The following ATG14 variants were observed in gnomAD, a reference collection of about 807,000 sequenced individuals.
ATG14 encodes autophagy related 14.
Under a neutral mutation model 60.4 loss-of-function variants are expected in ATG14, and 35 were observed. That is an observed-to-expected ratio of 0.58 (90% CI 0.44 to 0.77). The LOEUF (loss-of-function observed/expected upper bound fraction) is 0.77, where lower values mean the gene tolerates loss of function less well. Ranked by LOEUF, ATG14 falls within the 30% of genes least tolerant of loss-of-function variation. ATG14 has a pLI of 0.00. For missense variants in ATG14, 647 were observed against 626.3 expected, an observed-to-expected ratio of 1.03 and a Z score of -0.35; for synonymous variants, 234 against 228.8, an observed-to-expected ratio of 1.02 and a Z score of -0.21.
In ATG14 at chr14:55,368,226, CT is replaced by C. The variant is rs552931513; in HGVS notation, c.*1392del. The C allele has an allele frequency of 2.6e-4, 38 of 147,256 alleles. No homozygotes were observed. Among genetic ancestry groups the C allele is most frequent in the Non-Finnish European group, 2.7e-4 (18 of 66,172 alleles). The allele number at this position is 147,256 out of a possible 1,614,324, so 9.1% of individuals were successfully genotyped here. On this transcript the variant is annotated 3_prime_UTR_variant, in exon 10 of 10. Coordinates refer to ENST00000247178, the MANE Select transcript of ATG14 (RefSeq NM_014924.5). Reference sequence around the variant, plus strand: ...AAATGATCTCCTGCTGAGGGAAATTCTTTTTTTTTTTGAGACGGAGTTTCGC... The same window carrying C: ...AAATGATCTCCTGCTGAGGGAAATTCTTTTTTTTTTGAGACGGAGTTTCGC...
In ATG14 at chr14:55,376,244, GTGGT is replaced by G. The variant is rs1321378323; in HGVS notation, c.1172+1571_1172+1574del. On this transcript the variant is annotated intron_variant, in intron 9 of 9. Transcript: ENST00000247178. Reference sequence around the variant, plus strand: ...AGGAATAATATCCAAGGCAAGTAAAGTGGTTGGCCTTGTGTCAATAAATAGTGGC... The same window carrying G: ...AGGAATAATATCCAAGGCAAGTAAAGTGGCCTTGTGTCAATAAATAGTGGC... Among the ~76,000 whole-genome samples the G allele has an allele frequency of 2.0e-5, 3 of 152,326 alleles. No homozygotes were observed. In the East Asian group the frequency reaches 5.8e-4, roughly 29 times the overall value.
chr14:55,385,512 C>G (rs1205016868), intron 5 of ATG14, among the ~76,000 whole-genome samples: 4 of 152,224 alleles, frequency 2.6e-5, no homozygotes, highest in Non-Finnish European at 4.4e-5. Flanking sequence ...AGGTTGGTCT[C>G]AAACTCCTGA....
rs151094115 is a variant in ATG14, at chr14:55,369,816, C to G, written c.1282G>C (p.Glu428Gln). The stretch of plus-strand genomic sequence containing the variant: ...TCCCAGTCTGTGCCCAGGTCGGTTT[C>G]TTCATCGCTGACGCGCTCATCTCCG... ...ESGDERVSDEETDLGTDWENL... is the reference protein window; with the variant it reads ...ESGDERVSDEQTDLGTDWENL... The change falls in exon 10 of 10, where the codon GAA (glutamate) becomes CAA (glutamine). Residue 428 changes from glutamate to glutamine, a missense_variant. By Grantham distance (29) the Glu-to-Gln change is conservative (BLOSUM62 2). Coordinates refer to ENST00000247178, the MANE Select transcript of ATG14 (RefSeq NM_014924.5). 6.2e-7 allele frequency: 1 copy of G among 1,614,212 alleles called. No individual in the cohort carries two copies. The highest frequency in any genetic ancestry group is 1.7e-5 in the Admixed American group (1 of 60,026).
chr14:55,369,625 G>A lies in ATG14; in HGVS notation c.1473C>T (p.His491=). ...VTSWFKAYTG[H]R The stretch of plus-strand genomic sequence containing the variant: ...ATGTTTTGGTCCATGCTCGTTAACG[G>A]TGTCCAGTGTAAGCTTTAAACCAGG... The change falls in exon 10 of 10, where the codon CAC becomes CAT. Residue 491 remains histidine, a synonymous_variant. Coordinates refer to ENST00000247178, the MANE Select transcript of ATG14 (RefSeq NM_014924.5). 1 of 1,515,744 alleles carries A rather than the reference G, an allele frequency of 6.6e-7. No homozygotes were observed. Among genetic ancestry groups the A allele is most frequent in the Non-Finnish European group, 8.8e-7 (1 of 1,130,318 alleles). The allele number at this position is 1,515,744 out of a possible 1,614,324, so 93.9% of individuals were successfully genotyped here. A position where few individuals can be genotyped will look rare whatever the true frequency, so the allele number is the denominator to read the frequency against.
rs1018365393 is a variant in ATG14, at chr14:55,367,422, T to TA, written c.*2196dup. ...GCAATCAATCATGAAGCTGAGCACT[T>TA]AAAACAGAGATCCCAGCAGTGTAGA... On this transcript the variant is annotated 3_prime_UTR_variant, in exon 10 of 10. Coordinates refer to ENST00000247178, the MANE Select transcript of ATG14 (RefSeq NM_014924.5). 2 of 152,146 alleles carry TA rather than the reference T, an allele frequency of 1.3e-5. No individual in the cohort carries two copies. Among genetic ancestry groups the TA allele is most frequent in the Non-Finnish European group, 2.9e-5 (2 of 68,068 alleles). 9.4% of individuals were successfully genotyped at this position (152,146 alleles called of 1,614,324 possible).
chr14:55,405,122 G>C (rs1033472907), intron 1 of ATG14, among the ~76,000 whole-genome samples: 1 of 152,196 alleles, frequency 6.6e-6, no homozygotes, highest in African/African-American at 2.4e-5. Flanking sequence ...TGAAACAGTC[G>C]TAAGGCTGAT....
chr14:55,386,253 T>C (rs1885124726), intron 4 of ATG14, among the ~76,000 whole-genome samples, 157 bp from the exon 5 acceptor site: 1 of 152,196 alleles, frequency 6.6e-6, no homozygotes, highest in African/African-American at 2.4e-5. Flanking sequence ...TTTGAGAGTT[T>C]AGTTCAAGTA....
At chr14:55,384,419 A>G (rs1885088758) in intron 5 of ATG14, among the ~76,000 whole-genome samples, 1 of 152,320 alleles carries the variant, frequency 6.6e-6, no homozygotes, top group Non-Finnish European at 1.5e-5. Flanking sequence ...CTATTAACTA[A>G]TTTACAGACC....
At chr14:55,370,488 G>A (rs917131891) in intron 9 of ATG14, among the ~76,000 whole-genome samples, 8 of 152,140 alleles carry the variant, frequency 5.3e-5, no homozygotes, top group Non-Finnish European at 1.0e-4. Context: ...GTATATTTCT[G>A]CACTGTATTT....
At position 55,384,876 on chromosome 14, in the gene ATG14, G is replaced by A. The variant is rs567214463; in HGVS notation, c.647+983C>T. Among the ~76,000 whole-genome samples the A allele has an allele frequency of 3.9e-5, 6 of 152,316 alleles. No homozygotes were observed. The East Asian group carries it at 1.2e-3, about 29-fold the overall frequency. On this transcript the variant is annotated intron_variant, in intron 5 of 9. Coordinates refer to ENST00000247178, the MANE Select transcript of ATG14 (RefSeq NM_014924.5). ...TCTGCTGATCAGCAGCAGCATCAGG[G>A]AAGTTTAAAGATATAGAAATATTAC...
intron 9 of ATG14, 88 bp from the exon 10 acceptor site, chr14:55,370,013 G>A: frequency 7.6e-7 from 1 of 1,317,464 alleles, no homozygotes. Flanking sequence ...CCTCACCTGA[G>A]GGGATGAGGG....
intron 1 of ATG14, among the ~76,000 whole-genome samples, chr14:55,407,152 CAG>C (rs1373277392): frequency 3.9e-5 from 6 of 151,954 alleles, no homozygotes; most frequent in African/African-American, 1.2e-4. Context: ...TTTTTTGAGA[CAG>C]AGTCTCGCTC....
chr14:55,368,758 A>C lies in ATG14; in HGVS notation c.*861T>G, dbSNP rs1370083720. On this transcript the variant is annotated 3_prime_UTR_variant, in exon 10 of 10. Coordinates refer to ENST00000247178, the MANE Select transcript of ATG14 (RefSeq NM_014924.5). ...ACTAAGTGGCTTTTCCCCTGTGCCCAGGCAGGCATTGAGCTTACATAAGGG... is the reference window on the plus strand; with the variant it reads ...ACTAAGTGGCTTTTCCCCTGTGCCCCGGCAGGCATTGAGCTTACATAAGGG... 1 of 152,262 alleles carries C rather than the reference A, an allele frequency of 6.6e-6. No individual in the cohort carries two copies. The highest frequency in any genetic ancestry group is 1.5e-5 in the Non-Finnish European group (1 of 68,040). The allele number at this position is 152,262 out of a possible 1,614,324, so 9.4% of individuals were successfully genotyped here.
chr14:55,391,704 T>C (rs922070063), intron 3 of ATG14, among the ~76,000 whole-genome samples: 2 of 152,176 alleles, frequency 1.3e-5, no homozygotes, highest in African/African-American at 4.8e-5. Flanking sequence ...CACATATGGC[T>C]AGTGGCTAAT....
intron 9 of ATG14, 142 bp from the exon 10 acceptor site, chr14:55,370,067 G>T: frequency 3.0e-6 from 2 of 660,388 alleles, no homozygotes; most frequent in Non-Finnish European, 4.7e-6. Context: ...GCAGCACTCC[G>T]TGTTGACATA....
intron 5 of ATG14, among the ~76,000 whole-genome samples, chr14:55,384,388 A>G (rs1164488335): frequency 6.6e-6 from 1 of 152,190 alleles, no homozygotes; most frequent in African/African-American, 2.4e-5. Context: ...TCACAACCAG[A>G]TAATCAGCAC....
At chr14:55,374,313 C>T (rs1470698103) in intron 9 of ATG14, among the ~76,000 whole-genome samples, 1 of 152,144 alleles carries the variant, frequency 6.6e-6, no homozygotes, top group African/African-American at 2.4e-5. Context: ...GCCTCCAACT[C>T]CTGAGCTCAA....
At chr14:55,376,420 A>C (rs1884920162) in intron 9 of ATG14, among the ~76,000 whole-genome samples, 1 of 152,242 alleles carries the variant, frequency 6.6e-6, no homozygotes, top group Admixed American at 6.5e-5. Flanking sequence ...TCCATGGCTC[A>C]TGAACCAATG....
chr14:55,368,994 T>C lies in ATG14; in HGVS notation c.*625A>G, dbSNP rs1488924929. 1 of 152,622 alleles carries C rather than the reference T, an allele frequency of 6.6e-6. No individual in the cohort carries two copies. The highest frequency in any genetic ancestry group is 1.5e-5 in the Non-Finnish European group (1 of 68,038). The allele number at this position is 152,622 out of a possible 1,614,324, so 9.5% of individuals were successfully genotyped here. A position where few individuals can be genotyped will look rare whatever the true frequency, so the allele number is the denominator to read the frequency against. Reference sequence around the variant, plus strand: ...TAAAGAAAAAGACTTTCATTTTCTTTGGTGTGTGGGGGAAAGAAAAACAGG... The same window carrying C: ...TAAAGAAAAAGACTTTCATTTTCTTCGGTGTGTGGGGGAAAGAAAAACAGG... On this transcript the variant is annotated 3_prime_UTR_variant, in exon 10 of 10. Coordinates refer to ENST00000247178, the MANE Select transcript of ATG14 (RefSeq NM_014924.5).
Sources: allele counts gnomAD v4.1 joint callset (sites outside exome capture counted in the v4.1 genomes callset), GRCh38; gene constraint gnomAD v4.1.1; transcripts MANE v1.5; gene names NCBI Gene and HGNC (gene_info 2026-07-23, HGNC 2026-07-21).